RFWD3: variants seen among roughly 807,000 people sequenced by gnomAD.
RFWD3 encodes the protein E3 ubiquitin-protein ligase RFWD3.
Under a neutral mutation model 87.7 loss-of-function variants are expected in RFWD3, and 65 were observed. The observed-to-expected ratio is 0.74, with a 90% CI of 0.61 to 0.91. The LOEUF is 0.91. Among genes scored for constraint, RFWD3 ranks in the 40% least tolerant of loss-of-function variants. RFWD3 has a pLI of 0.00. For synonymous variants in RFWD3, 433 were observed against 352.8 expected, an observed-to-expected ratio of 1.23 and a Z score of -2.55; for missense variants, 1,078 against 938.5, an observed-to-expected ratio of 1.15 and a Z score of -1.94.
At position 74,649,211 on chromosome 16, in the gene RFWD3, T is replaced by G; in HGVS notation, c.722-9A>C. 5.2e-6 allele frequency: 8 copies of G among 1,551,370 alleles called. No individual in the cohort carries two copies. The highest frequency in any genetic ancestry group is 6.9e-6 in the Non-Finnish European group (8 of 1,157,234). ...GACACCTGCTAGTTGCTCTGCCAAGTCATTTCCAGAAATGACAGGAGAGGT... is the reference window on the plus strand; with the variant it reads ...GACACCTGCTAGTTGCTCTGCCAAGGCATTTCCAGAAATGACAGGAGAGGT... On this transcript the variant is annotated splice_polypyrimidine_tract_variant and intron_variant, in intron 3 of 12. Coordinates refer to ENST00000361070, the MANE Select transcript of RFWD3 (RefSeq NM_018124.4).
At chr16:74,666,181 AT>A (rs1216295685) in intron 1 of RFWD3, 16 of 124,906 alleles carry the variant, frequency 1.3e-4, no homozygotes, top group Non-Finnish European at 2.4e-4. Flanking sequence ...AGATAGACAG[AT>A]TAGATAGATA....
intron 1 of RFWD3, among the ~76,000 whole-genome samples, chr16:74,663,523 C>T (rs8055784): frequency 0.73 from 110,670 of 151,966 alleles, 40,839 homozygotes; most frequent in African/African-American, 0.85. Context: ...CAGACTGGTG[C>T]AGGCTGAATA....
chr16:74,628,181 T>C (rs1185856205), intron 11 of RFWD3, among the ~76,000 whole-genome samples: 1 of 152,190 alleles, frequency 6.6e-6, no homozygotes, highest in Non-Finnish European at 1.5e-5. Flanking sequence ...GTTCCACTAC[T>C]GTTCTAAACT....
chr16:74,656,630 T>A (rs1961011439), intron 2 of RFWD3, among the ~76,000 whole-genome samples: 1 of 152,156 alleles, frequency 6.6e-6, no homozygotes, highest in African/African-American at 2.4e-5. Flanking sequence ...CTAATTTTTG[T>A]ATTTTTTTGT....
intron 4 of RFWD3, among the ~76,000 whole-genome samples, chr16:74,647,937 C>T (rs1289665950): frequency 2.0e-5 from 3 of 151,946 alleles, no homozygotes; most frequent in Non-Finnish European, 4.4e-5. Flanking sequence ...CCATATTCTG[C>T]CTGATTTTTT....
chr16:74,638,499 A>G (rs1282008165), intron 6 of RFWD3, among the ~76,000 whole-genome samples: 2 of 152,234 alleles, frequency 1.3e-5, no homozygotes, highest in Non-Finnish European at 2.9e-5. Context: ...AGAATAACAA[A>G]TATATATTTG....
chr16:74,644,820 GTGC>G, intron 4 of RFWD3, 85 bp from the exon 5 acceptor site: 1 of 1,288,516 alleles, frequency 7.8e-7, no homozygotes. Flanking sequence ...ATTAACAGAA[GTGC>G]AAAAAAAATG....
chr16:74,652,263 T>C (rs1212858548), intron 2 of RFWD3, 141 bp from the exon 3 acceptor site: 4 of 715,894 alleles, frequency 5.6e-6, no homozygotes, highest in Admixed American at 5.5e-5. Context: ...GAAGCAGGTA[T>C]AGCAGATAAG....
At chr16:74,646,055 A>C (rs1047264750) in intron 4 of RFWD3, among the ~76,000 whole-genome samples, 8 of 152,010 alleles carry the variant, frequency 5.3e-5, no homozygotes, top group Non-Finnish European at 1.5e-5. Context: ...GCCAGTCACA[A>C]ATATATTCTA....
rs1444986819 is a variant in RFWD3, at chr16:74,632,560, G to A, written c.1540C>T (p.Leu514Phe). The A allele has an allele frequency of 6.2e-7, 1 of 1,613,962 alleles. No homozygotes were observed. The highest frequency in any genetic ancestry group is 1.7e-5 in the Admixed American group (1 of 60,000). Reference sequence around the variant, plus strand: ...ATAGTGTTGTCTAGGGAAGCAGAGAGTAGCAAGCCTCTGAGGTAACTGCTA... The same window carrying A: ...ATAGTGTTGTCTAGGGAAGCAGAGAATAGCAAGCCTCTGAGGTAACTGCTA... Reference protein sequence around the residue: ...AFSSYLRGLLLSASLDNTIKL... With the variant: ...AFSSYLRGLLFSASLDNTIKL... Residue 514 changes from leucine (L) to phenylalanine (F), a missense_variant, in exon 9 of 13, where the codon CTC (leucine) becomes TTC (phenylalanine). Transcript: ENST00000361070.
chr16:74,665,433 C>A (rs553689584), intron 1 of RFWD3, among the ~76,000 whole-genome samples: 21 of 152,088 alleles, frequency 1.4e-4, no homozygotes, highest in Middle Eastern at 3.4e-3. Flanking sequence ...CAAAAACTAC[C>A]CGGGTGTGGT....
At chr16:74,624,107 A>T (rs368688486) in intron 12 of RFWD3, 36 bp from the exon 13 acceptor site, 9 of 1,605,840 alleles carry the variant, frequency 5.6e-6, no homozygotes, top group Non-Finnish European at 7.7e-6. Context: ...GTCAGGAGTC[A>T]GTCAGTACAC....
intron 2 of RFWD3, 150 bp from the exon 3 acceptor site, chr16:74,652,272 A>AG (rs911905728): frequency 9.1e-5 from 60 of 656,568 alleles, no homozygotes; most frequent in African/African-American, 1.5e-4. Context: ...ATAGCAGATA[A>AG]GGGGGGGAGA....
At chr16:74,625,182 AG>A (rs1191399999) in intron 12 of RFWD3, among the ~76,000 whole-genome samples, 5 of 146,218 alleles carry the variant, frequency 3.4e-5, no homozygotes, top group African/African-American at 1.3e-4. Flanking sequence ...CCTGGGCAAC[AG>A]AGCAAGACCC....
chr16:74,635,924 A>T (rs190429582), intron 8 of RFWD3, among the ~76,000 whole-genome samples: 30 of 152,242 alleles, frequency 2.0e-4, no homozygotes, highest in Non-Finnish European at 3.7e-4. Context: ...TTTACTCCCT[A>T]AATTCTCTTA....
chr16:74,622,791 C>G lies in RFWD3; in HGVS notation c.*1137G>C, dbSNP rs1469295663. ...GCAAGGCAAAGAAATACAAACTGAG[C>G]CCTAGAAAAGGTTAGGGAGGCAAAT... On this transcript the variant is annotated 3_prime_UTR_variant, in exon 13 of 13. Transcript: ENST00000361070. The G allele has an allele frequency of 1.3e-5, 2 of 152,060 alleles. No homozygotes were observed. The highest frequency in any genetic ancestry group is 6.6e-5 in the Admixed American group (1 of 15,252). 9.4% of individuals were successfully genotyped at this position (152,060 alleles called of 1,614,324 possible).
Position 74,632,593 on chromosome 16 carries a change from G to C in RFWD3, c.1507C>G (p.Leu503Val), listed in dbSNP as rs1260360927. 6.2e-7 allele frequency: 1 copy of C among 1,614,120 alleles called. No homozygotes were observed. The highest frequency in any genetic ancestry group is 8.5e-7 in the Non-Finnish European group (1 of 1,180,008). ...CCTCTGAGGTAACTGCTAAACGCCA[G>C]TCCACGGATCTGTTTGCCATGCATC... is the stretch of plus-strand genomic sequence containing the variant. ...IPMHGKQIRG[L>V]AFSSYLRGLL... Residue 503 changes from leucine (L) to valine (V), a missense_variant, in exon 9 of 13, where the codon CTG becomes GTG. Coordinates refer to ENST00000361070, the MANE Select transcript of RFWD3 (RefSeq NM_018124.4).
chr16:74,628,479 G>T lies in RFWD3; in HGVS notation c.1942C>A (p.Arg648=). The T allele has an allele frequency of 1.2e-6, 2 of 1,614,086 alleles. No individual in the cohort carries two copies. The highest frequency in any genetic ancestry group is 1.1e-5 in the South Asian group (1 of 91,068). ...CIDFQTENSS[R]HCLVTYRPDK... ...GGCCTGTAGGTCACAAGACAGTGCC[G>T]GGAGCTGTTCTCTGTCTGAAAGTCT... is the stretch of plus-strand genomic sequence containing the variant. Residue 648 remains arginine, a synonymous_variant, in exon 11 of 13, where the codon CGG becomes AGG. Coordinates refer to ENST00000361070, the MANE Select transcript of RFWD3 (RefSeq NM_018124.4).
chr16:74,641,673 T>C (rs894853472), intron 6 of RFWD3, among the ~76,000 whole-genome samples: 2 of 151,770 alleles, frequency 1.3e-5, no homozygotes, highest in African/African-American at 4.8e-5. Context: ...GCCTGTAATC[T>C]CAGCACTTTG....
Sources: allele counts gnomAD v4.1 joint callset (sites outside exome capture counted in the v4.1 genomes callset), GRCh38; gene constraint gnomAD v4.1.1; transcripts MANE v1.5; gene names NCBI Gene and HGNC (gene_info 2026-07-23, HGNC 2026-07-21).